CYP7B1: variants seen among roughly 807,000 people sequenced by gnomAD.
CYP7B1 encodes cytochrome P450 family 7 subfamily B member 1.
A neutral mutation model predicts 42.7 loss-of-function variants in CYP7B1; 29 were observed. The ratio of observed to expected loss-of-function variants is 0.68; its 90% CI spans 0.51 to 0.93. CYP7B1 has a LOEUF of 0.93. CYP7B1 is among the 40% of genes least tolerant of loss of function. The pLI is 0.00. For missense variants in CYP7B1, 655 were observed against 600.5 expected (o/e 1.09, Z -0.95); for synonymous variants, 235 against 218.2 (o/e 1.08, Z -0.68).
At chr8:64,614,881 T>A (rs1805410131) in intron 4 of CYP7B1, 145 bp downstream of exon 4, 6 of 770,960 alleles carry the variant, frequency 7.8e-6, no homozygotes, top group Non-Finnish European at 1.3e-5. Context: ...GGCTATAAAC[T>A]ACATAATTTA....
chr8:64,743,808 T>A (rs1055830664), intron 1 of CYP7B1, among the ~76,000 whole-genome samples: 1 of 152,210 alleles, frequency 6.6e-6, no homozygotes, highest in South Asian at 2.1e-4. Flanking sequence ...ATACAGCCCC[T>A]AATACATACT....
At chr8:64,658,100 C>A (rs760812027) in intron 1 of CYP7B1, among the ~76,000 whole-genome samples, 1 of 152,118 alleles carries the variant, frequency 6.6e-6, no homozygotes, top group Non-Finnish European at 1.5e-5. Context: ...TTCAAGAGAG[C>A]TCTGCCTTCA....
At chr8:64,726,139 T>C (rs1807320782) in intron 1 of CYP7B1, among the ~76,000 whole-genome samples, 1 of 152,184 alleles carries the variant, frequency 6.6e-6, no homozygotes, top group African/African-American at 2.4e-5. Context: ...GGAACAAACA[T>C]GTAGGATAAG....
intron 1 of CYP7B1, among the ~76,000 whole-genome samples, chr8:64,645,987 G>A (rs1390481058): frequency 6.6e-6 from 1 of 152,130 alleles, no homozygotes; most frequent in African/African-American, 2.4e-5. Flanking sequence ...GGGAAAACTG[G>A]CCAGCCATAT....
intron 1 of CYP7B1, among the ~76,000 whole-genome samples, chr8:64,742,311 G>T (rs577916529): frequency 2.2e-4 from 33 of 152,078 alleles, no homozygotes; most frequent in African/African-American, 7.0e-4. Context: ...CCCAAACATC[G>T]TTTTAATGTA....
In CYP7B1 at chr8:64,596,631, T is replaced by C. The variant is rs748377795; in HGVS notation, c.*11A>G. The C allele has an allele frequency of 1.0e-5, 16 of 1,605,766 alleles. No homozygotes were observed. Among genetic ancestry groups the C allele is most frequent in the Admixed American group, 1.7e-5 (1 of 59,592 alleles). Reference sequence around the variant, plus strand: ...ATTTTGATAGATTTATTTTCTTTCCTTTTAGCTTCTCTAAGATTTCACTTT... The same window carrying C: ...ATTTTGATAGATTTATTTTCTTTCCCTTTAGCTTCTCTAAGATTTCACTTT... On this transcript the variant is annotated 3_prime_UTR_variant, in exon 6 of 6. Transcript: ENST00000310193.
At chr8:64,726,507 G>A (rs1481484138) in intron 1 of CYP7B1, among the ~76,000 whole-genome samples, 1 of 152,152 alleles carries the variant, frequency 6.6e-6, no homozygotes, top group African/African-American at 2.4e-5. Context: ...ACGGGCACTA[G>A]ATTGAAGTCA....
chr8:64,740,989 G>A (rs904144573), intron 1 of CYP7B1, among the ~76,000 whole-genome samples: 23 of 152,120 alleles, frequency 1.5e-4, no homozygotes, highest in African/African-American at 5.3e-4. Flanking sequence ...ATCGTATGAG[G>A]CCAGCATCAC....
intron 1 of CYP7B1, among the ~76,000 whole-genome samples, chr8:64,642,412 A>G (rs7005708): frequency 0.64 from 97,445 of 151,926 alleles, 31,438 homozygotes; most frequent in Middle Eastern, 0.68. Context: ...TTTTAATGTA[A>G]CAGCACTTGA....
chr8:64,601,702 T>C (rs1039279665), intron 5 of CYP7B1, among the ~76,000 whole-genome samples: 1 of 152,220 alleles, frequency 6.6e-6, no homozygotes, highest in Non-Finnish European at 1.5e-5. Context: ...GTGTTTTAAA[T>C]TTCATTTTTC....
intron 1 of CYP7B1, among the ~76,000 whole-genome samples, chr8:64,758,598 T>C (rs1259718063): frequency 6.6e-6 from 1 of 152,156 alleles, no homozygotes; most frequent in Admixed American, 6.5e-5. Context: ...CTTTGGCATA[T>C]AGGAAATAAT....
intron 1 of CYP7B1, among the ~76,000 whole-genome samples, chr8:64,736,982 ACT>A (rs1807498168): frequency 1.3e-5 from 2 of 152,246 alleles, no homozygotes; most frequent in South Asian, 4.2e-4. Flanking sequence ...ACAATACCTG[ACT>A]CTCAATAAGT....
chr8:64,691,484 G>A (rs548829389), intron 1 of CYP7B1, among the ~76,000 whole-genome samples: 3 of 145,832 alleles, frequency 2.1e-5, no homozygotes, highest in African/African-American at 7.7e-5. Flanking sequence ...ATGGCAACTG[G>A]GGGGGGGGGG....
chr8:64,623,431 G>C (rs573001611), intron 2 of CYP7B1, among the ~76,000 whole-genome samples: 1 of 152,152 alleles, frequency 6.6e-6, no homozygotes, highest in Non-Finnish European at 1.5e-5. Flanking sequence ...AGACCATCTC[G>C]GATCATCCAG....
intron 1 of CYP7B1, among the ~76,000 whole-genome samples, chr8:64,786,432 T>C (rs942716151): frequency 2.6e-5 from 4 of 152,194 alleles, no homozygotes; most frequent in Non-Finnish European, 5.9e-5. Flanking sequence ...ATGGGCCCCA[T>C]GCAAGTCCAA....
chr8:64,716,473 G>A (rs758142217), intron 1 of CYP7B1, among the ~76,000 whole-genome samples: 7 of 152,064 alleles, frequency 4.6e-5, no homozygotes, highest in Non-Finnish European at 8.8e-5. Flanking sequence ...TTGGGAGGCC[G>A]AGGCGGGCAG....
chr8:64,602,379 T>G (rs926473975), intron 5 of CYP7B1, among the ~76,000 whole-genome samples: 2 of 152,196 alleles, frequency 1.3e-5, no homozygotes, highest in African/African-American at 4.8e-5. Context: ...AATAGGGAGA[T>G]GCAGATCCAA....
At chr8:64,616,521 T>C (rs1805452310) in intron 2 of CYP7B1, among the ~76,000 whole-genome samples, 1 of 152,156 alleles carries the variant, frequency 6.6e-6, no homozygotes, top group African/African-American at 2.4e-5. Flanking sequence ...TTTGCAAAGA[T>C]GGTTTACTCT....
At chr8:64,757,372 A>G (rs1348943430) in intron 1 of CYP7B1, among the ~76,000 whole-genome samples, 7 of 152,228 alleles carry the variant, frequency 4.6e-5, no homozygotes, top group African/African-American at 1.7e-4. Context: ...AAATAGGATT[A>G]TTAATGCCCA....
Sources: gnomAD v4.1 joint callset for allele counts (sites outside exome capture counted in the v4.1 genomes callset) on GRCh38, gnomAD v4.1.1 for gene constraint, MANE v1.5 for transcripts, NCBI Gene and HGNC (gene_info 2026-07-23, HGNC 2026-07-21) for gene names.